Variants in HYKK observed in about 807,000 individuals in gnomAD.
HYKK encodes hydroxylysine kinase.
Under a neutral mutation model 29.7 loss-of-function variants are expected in HYKK, and 19 were observed. The ratio of observed to expected loss-of-function variants is 0.64; its 90% CI spans 0.45 to 0.94. The LOEUF (loss-of-function observed/expected upper bound fraction) is 0.94. Among genes scored for constraint, HYKK ranks in the 40% least tolerant of loss-of-function variants. HYKK has a pLI of 0.00. For synonymous variants in HYKK, 152 were observed against 158.1 expected (o/e 0.96, Z 0.29); for missense variants, 390 against 443.4 (o/e 0.88, Z 1.08).
At position 78,533,227 on chromosome 15, in the gene HYKK, C is replaced by A. The variant is rs968010198; in HGVS notation, c.679C>A (p.Leu227Ile). The change falls in exon 5 of 5, where the codon CTT (leucine) becomes ATT (isoleucine). Residue 227 changes from leucine (L) to isoleucine (I), a missense_variant. By Grantham distance (5) the Leu-to-Ile change is conservative. Transcript: ENST00000388988. ...ACTTTCAGGTATCAATCACGGAGAT[C>A]TTAATGACCATAATATTTTAATAGA... ...HFRECINHGD[L>I]NDHNILIESS... is the part of the protein sequence containing the mutation. 6.2e-7 allele frequency: 1 copy of A among 1,603,886 alleles called. No homozygotes were observed. Among genetic ancestry groups the A allele is most frequent in the East Asian group, 2.2e-5 (1 of 44,856 alleles).
rs750402733 is a variant in HYKK at position 78,533,310 on chromosome 15, T to C, written c.762T>C (p.Phe254=). The change falls in exon 5 of 5, where the codon TTT becomes TTC. Residue 254 remains phenylalanine (F), a synonymous_variant. Coordinates refer to ENST00000388988, the MANE Select transcript of HYKK (RefSeq NM_001013619.4). ...AEYQVSGILD[F]GDMSYGYYVF... Reference sequence around the variant, plus strand: ...ATCAAGTGTCTGGGATTTTAGACTTTGGTGACATGAGCTATGGCTACTATG... The same window carrying C: ...ATCAAGTGTCTGGGATTTTAGACTTCGGTGACATGAGCTATGGCTACTATG... 12 of 1,614,002 alleles carry C rather than the reference T, an allele frequency of 7.4e-6. No individual in the cohort carries two copies. The East Asian group carries it at 1.3e-4, about 18-fold the overall frequency.
At chr15:78,521,410 G>A (rs1252151395) in intron 3 of HYKK, among the ~76,000 whole-genome samples, 1 of 151,968 alleles carries the variant, frequency 6.6e-6, no homozygotes. Flanking sequence ...TGGGAGCTGG[G>A]GTATGGGGTG....
At chr15:78,517,636 G>A (rs768718951) in intron 3 of HYKK, among the ~76,000 whole-genome samples, 39 of 151,974 alleles carry the variant, frequency 2.6e-4, no homozygotes, top group Admixed American at 2.6e-4. Context: ...TGATTAAGGC[G>A]TGACTTGTAT....
intron 3 of HYKK, among the ~76,000 whole-genome samples, chr15:78,526,499 C>G (rs2052256321): frequency 1.3e-5 from 2 of 152,180 alleles, no homozygotes; most frequent in Admixed American, 1.3e-4. Flanking sequence ...GAAATGACGG[C>G]ACTAACCATG....
intron 3 of HYKK, among the ~76,000 whole-genome samples, chr15:78,518,434 C>G (rs1472312447): frequency 6.6e-6 from 1 of 152,150 alleles, no homozygotes; most frequent in Non-Finnish European, 1.5e-5. Context: ...CTTGGCTTCC[C>G]AAAGTGCTGG....
At chr15:78,508,721 G>A (rs1056110697) in intron 1 of HYKK, among the ~76,000 whole-genome samples, 1 of 151,828 alleles carries the variant, frequency 6.6e-6, no homozygotes, top group Non-Finnish European at 1.5e-5. Context: ...GCAACATAGC[G>A]AGACACTGTC....
At chr15:78,510,662 A>G (rs2052065466) in intron 1 of HYKK, among the ~76,000 whole-genome samples, 1 of 152,194 alleles carries the variant, frequency 6.6e-6, no homozygotes, top group Non-Finnish European at 1.5e-5. Context: ...AGGCATTAAC[A>G]GGCATATGGT....
At chr15:78,537,225 A>G, downstream of HYKK, 1 of 513,604 alleles carries the variant, frequency 1.9e-6, no homozygotes, top group Non-Finnish European at 3.6e-6. Context: ...CCATCCTTCC[A>G]TCCCATTGAT....
At position 78,534,226 on chromosome 15, in the gene HYKK, TTTTGTCTCC is replaced by T. The variant is rs1268586872; in HGVS notation, c.*558_*566del. The T allele has an allele frequency of 4.6e-5, 7 of 151,930 alleles. No individual in the cohort carries two copies. Among genetic ancestry groups the T allele is most frequent in the Non-Finnish European group, 1.0e-4 (7 of 68,304 alleles). The allele number at this position is 151,930 out of a possible 1,614,324, so 9.4% of individuals were successfully genotyped here. The stretch of plus-strand genomic sequence containing the variant: ...AGGGCGGAGACCATGTAAAACTTAT[TTTTGTCTCC>T]TCAGCCCTTCTTTTTTTTTTTTTTT... On this transcript the variant is annotated 3_prime_UTR_variant, in exon 5 of 5. Transcript: ENST00000388988.
intron 4 of HYKK, chr15:78,528,160 C>G (rs2052276927): frequency 6.5e-6 from 1 of 153,386 alleles, no homozygotes; most frequent in Non-Finnish European, 1.4e-5. Context: ...AGGAGGTGAG[C>G]AGAGGGAAAG....
chr15:78,507,683 AG>A lies in HYKK; in HGVS notation c.-6+17del, dbSNP rs2052027036. ...TCGGGTCGCTGCCGGTGAGCCAAGG[AG>A]GGGGAAGCAGAGACGAGCCCTGCGT... On this transcript the variant is annotated intron_variant, in intron 1 of 4. Transcript: ENST00000388988. 6.6e-6 allele frequency: 1 copy of A among 152,252 alleles called. No individual in the cohort carries two copies. The highest frequency in any genetic ancestry group is 2.1e-4 in the South Asian group (1 of 4,818). The allele number at this position is 152,252 out of a possible 1,614,324, so 9.4% of individuals were successfully genotyped here.
At chr15:78,509,717 A>G (rs547307056) in intron 1 of HYKK, among the ~76,000 whole-genome samples, 1 of 152,340 alleles carries the variant, frequency 6.6e-6, no homozygotes, top group Admixed American at 6.5e-5. Flanking sequence ...AATTCCTTGT[A>G]AAGTTTTAAG....
chr15:78,531,353 A>G (rs1267110162), intron 4 of HYKK, among the ~76,000 whole-genome samples: 1 of 152,174 alleles, frequency 6.6e-6, no homozygotes, highest in African/African-American at 2.4e-5. Flanking sequence ...ATAAAGTTAT[A>G]TGCCCATTAG....
At chr15:78,525,647 A>C (rs547471276) in intron 3 of HYKK, among the ~76,000 whole-genome samples, 2 of 151,500 alleles carry the variant, frequency 1.3e-5, no homozygotes, top group South Asian at 4.2e-4. Flanking sequence ...ACAGGCACCC[A>C]CCACCATGCC....
chr15:78,522,071 A>G (rs1303169320), intron 3 of HYKK, among the ~76,000 whole-genome samples: 1 of 151,756 alleles, frequency 6.6e-6, no homozygotes, highest in African/African-American at 2.4e-5. Context: ...CAGCCTCCCA[A>G]CTAGTTGGTA....
At chr15:78,529,578 A>G (rs957570053) in intron 4 of HYKK, among the ~76,000 whole-genome samples, 4 of 152,340 alleles carry the variant, frequency 2.6e-5, no homozygotes, top group East Asian at 1.9e-4. Context: ...ATTTTTCTCA[A>G]TCTGATTTGT....
At chr15:78,528,300 A>G in intron 4 of HYKK, 1 of 324,132 alleles carries the variant, frequency 3.1e-6, no homozygotes, top group Non-Finnish European at 4.4e-6. Flanking sequence ...TGATGATCTG[A>G]GATGAAACAG....
chr15:78,517,910 C>T (rs771701806), intron 3 of HYKK, among the ~76,000 whole-genome samples: 3 of 152,166 alleles, frequency 2.0e-5, no homozygotes, highest in Non-Finnish European at 2.9e-5. Context: ...GTGGCTCGTT[C>T]CCCAGTTTTG....
chr15:78,533,555 T>C lies in HYKK; in HGVS notation c.1007T>C (p.Val336Ala). The change falls in exon 5 of 5, where the codon GTT becomes GCT. Residue 336 changes from valine (V) to alanine (A), a missense_variant. Coordinates refer to ENST00000388988, the MANE Select transcript of HYKK (RefSeq NM_001013619.4). Reference protein sequence around the residue: ...LYPENKDYLMVTAKTGWKHLQ... With the variant: ...LYPENKDYLMATAKTGWKHLQ... ...CCAGAGAACAAAGACTATCTCATGG[T>C]TACTGCAAAAACCGGGTGGAAACAC... 6.2e-7 allele frequency: 1 copy of C among 1,614,222 alleles called. No homozygotes were observed. Among genetic ancestry groups the C allele is most frequent in the Non-Finnish European group, 8.5e-7 (1 of 1,180,042 alleles).
Sources: gnomAD v4.1 joint callset for allele counts (sites outside exome capture counted in the v4.1 genomes callset) on GRCh38, gnomAD v4.1.1 for gene constraint, MANE v1.5 for transcripts, NCBI Gene and HGNC (gene_info 2026-07-23, HGNC 2026-07-21) for gene names.